DMD: variants seen among roughly 807,000 people sequenced by gnomAD.
DMD encodes the protein mutant dystrophin.
A neutral mutation model predicts 330.1 loss-of-function variants in DMD; 63 were observed. The ratio of observed to expected loss-of-function variants is 0.19; its 90% CI spans 0.16 to 0.24. The LOEUF (loss-of-function observed/expected upper bound fraction) is 0.24. DMD is among the 10% of genes least tolerant of loss of function. The pLI, the probability that DMD is intolerant of heterozygous loss-of-function variation, is 1.00. For synonymous variants in DMD, 1,223 were observed against 959.8 expected, an observed-to-expected ratio of 1.27 and a Z score of -5.07; for missense variants, 3,344 against 2,684.1, an observed-to-expected ratio of 1.25 and a Z score of -5.43.
At chrX:32,072,193 T>C (rs991623773) in intron 44 of DMD, among the ~76,000 whole-genome samples, 1 of 111,527 alleles carries the variant, frequency 9.0e-6, no homozygotes, top group Non-Finnish European at 1.9e-5. Flanking sequence ...TGGGTGCTGA[T>C]ATACGTGCCA....
chrX:31,603,411 G>A (rs767567202), intron 55 of DMD, among the ~76,000 whole-genome samples: 1 of 111,708 alleles, frequency 9.0e-6, no homozygotes, highest in South Asian at 3.7e-4. Context: ...TGATTAGAAA[G>A]TTGTCAAATT....
intron 47 of DMD, among the ~76,000 whole-genome samples, chrX:31,877,667 TTGTGTG>T (rs10670657): frequency 2.2e-4 from 23 of 102,354 alleles, no homozygotes; most frequent in African/African-American, 4.6e-4. Context: ...TGCTGAACTC[TTGTGTG>T]TGTGTGTGTG....
chrX:31,873,575 C>T (rs1482939944), intron 48 of DMD, among the ~76,000 whole-genome samples: 1 of 111,981 alleles, frequency 8.9e-6, no homozygotes, highest in Non-Finnish European at 1.9e-5. Context: ...GAAAAAACTA[C>T]TCAAAAATGT....
At chrX:32,468,025 A>C (rs1184991183) in intron 23 of DMD, among the ~76,000 whole-genome samples, 1 of 109,991 alleles carries the variant, frequency 9.1e-6, no homozygotes, top group Non-Finnish European at 1.9e-5. Context: ...AGCATAGTTG[A>C]CTCCTACTTT....
chrX:32,603,707 A>T (rs1278225277), intron 12 of DMD, among the ~76,000 whole-genome samples: 1 of 111,301 alleles, frequency 9.0e-6, no homozygotes, highest in Admixed American at 9.6e-5. Context: ...ACGAAAGATT[A>T]TCAGACTACT....
At chrX:32,625,407 C>T (rs753693085) in intron 11 of DMD, among the ~76,000 whole-genome samples, 1 of 111,300 alleles carries the variant, frequency 9.0e-6, no homozygotes, top group East Asian at 2.8e-4. Flanking sequence ...TAGCTAGCGG[C>T]TGCAATATTG....
In DMD at chrX:31,616,731, G is replaced by A. The variant is rs186777634; in HGVS notation, c.8217+10942C>T. Among the ~76,000 whole-genome samples, 26 of 112,090 alleles carry A rather than the reference G, an allele frequency of 2.3e-4. No homozygotes were observed. The East Asian group carries it at 3.9e-3, about 17-fold the overall frequency. On this transcript the variant is annotated intron_variant, in intron 55 of 78. Coordinates refer to ENST00000357033, the MANE Select transcript of DMD (RefSeq NM_004006.3). ...GCTTAATTTAAATGGAAATCTGCAA[G>A]TTGGATTGGAGCCACTGGTGGGCAG... is the stretch of plus-strand genomic sequence containing the variant.
chrX:31,288,737 T>C (rs1401888907), intron 62 of DMD, among the ~76,000 whole-genome samples: 1 of 111,300 alleles, frequency 9.0e-6, no homozygotes, highest in African/African-American at 3.3e-5. Flanking sequence ...AAACAACAGG[T>C]GACTTAATTA....
chrX:32,037,634 C>T (rs1022821339), intron 44 of DMD, among the ~76,000 whole-genome samples: 3 of 111,245 alleles, frequency 2.7e-5, no homozygotes, highest in Admixed American at 9.6e-5. Flanking sequence ...GGAAATCCTC[C>T]GTTTTATTGG....
intron 2 of DMD, among the ~76,000 whole-genome samples, chrX:32,886,981 C>T (rs1402304775): frequency 9.0e-6 from 1 of 111,715 alleles, no homozygotes; most frequent in African/African-American, 3.3e-5. Flanking sequence ...AAAATGATAA[C>T]AATGACTTTA....
At chrX:32,373,090 C>A (rs778863709) in intron 34 of DMD, among the ~76,000 whole-genome samples, 10 of 110,045 alleles carry the variant, frequency 9.1e-5, no homozygotes, top group Non-Finnish European at 1.3e-4. Flanking sequence ...GTTCGTAATT[C>A]TCTTCAAGTA....
At chrX:32,060,354 T>C (rs2096213900) in intron 44 of DMD, among the ~76,000 whole-genome samples, 2 of 111,254 alleles carry the variant, frequency 1.8e-5, no homozygotes, top group Non-Finnish European at 3.8e-5. Context: ...AATCCTCAAT[T>C]TGTCAATTTT....
At chrX:31,797,981 G>T (rs969614251) in intron 50 of DMD, among the ~76,000 whole-genome samples, 1 of 111,884 alleles carries the variant, frequency 8.9e-6, no homozygotes, top group Non-Finnish European at 1.9e-5. Flanking sequence ...GAATTTTTCC[G>T]CTACTGCAAT....
chrX:32,284,372 G>C (rs925998699), intron 43 of DMD, among the ~76,000 whole-genome samples: 1 of 111,493 alleles, frequency 9.0e-6, no homozygotes, highest in African/African-American at 3.3e-5. Flanking sequence ...CTGGCTGGTT[G>C]TGCCTTTTCT....
chrX:33,106,319 T>C (rs2095287443), intron 1 of DMD, among the ~76,000 whole-genome samples: 1 of 110,857 alleles, frequency 9.0e-6, no homozygotes, highest in Non-Finnish European at 1.9e-5. Flanking sequence ...AAACTACATA[T>C]TGGGTACAAC....
intron 43 of DMD, among the ~76,000 whole-genome samples, chrX:32,268,239 G>A (rs1225473769): frequency 9.0e-6 from 1 of 111,432 alleles, no homozygotes; most frequent in African/African-American, 3.3e-5. Flanking sequence ...TCTGGTTGAT[G>A]TCCTACAGCC....
chrX:31,571,254 GGTGTGTGTGTGTGTGTGTGT>G (rs371098859), intron 55 of DMD, among the ~76,000 whole-genome samples: 1 of 90,445 alleles, frequency 1.1e-5, no homozygotes, highest in Non-Finnish European at 2.1e-5. Context: ...GATTTAAAGG[GGTGTGTGTGTGTGTGTGTGT>G]GTGTGTGTGT....
intron 42 of DMD, among the ~76,000 whole-genome samples, chrX:32,309,663 T>C (rs1052899692): frequency 9.0e-6 from 1 of 111,363 alleles, no homozygotes. Context: ...AAATTGAATA[T>C]GTATACATAA....
At chrX:32,908,652 G>C (rs1293590699) in intron 2 of DMD, among the ~76,000 whole-genome samples, 1 of 111,427 alleles carries the variant, frequency 9.0e-6, no homozygotes, top group Non-Finnish European at 1.9e-5. Flanking sequence ...CATTTTCATG[G>C]AACACAGCAT....
Sources: allele counts gnomAD v4.1 joint callset (sites outside exome capture counted in the v4.1 genomes callset), GRCh38; gene constraint gnomAD v4.1.1; transcripts MANE v1.5; gene names NCBI Gene and HGNC (gene_info 2026-07-23, HGNC 2026-07-21).